SNTG1: variants seen among roughly 807,000 people sequenced by gnomAD.
SNTG1 encodes gamma-1-syntrophin.
In SNTG1, 39 loss-of-function variants were observed where a neutral mutation model predicts 74.7. The observed-to-expected ratio is 0.52, with a 90% CI of 0.40 to 0.68. The LOEUF (loss-of-function observed/expected upper bound fraction) is 0.68, where lower values mean the gene tolerates loss of function less well. SNTG1 is among the 30% of genes least tolerant of loss of function. The pLI is 0.00. For synonymous variants in SNTG1, 254 were observed against 217.1 expected (o/e 1.17, Z -1.49); for missense variants, 685 against 609.5 (o/e 1.12, Z -1.30).
At chr8:50,644,940 A>G (rs549553427) in intron 13 of SNTG1, among the ~76,000 whole-genome samples, 32 of 144,062 alleles carry the variant, frequency 2.2e-4, no homozygotes, top group Non-Finnish European at 4.4e-4. Flanking sequence ...TTTTTTTCCT[A>G]CAGATGAGGT....
chr8:50,438,582 T>C lies in SNTG1; in HGVS notation c.202T>C (p.Phe68Leu). The C allele has an allele frequency of 6.2e-7, 1 of 1,613,282 alleles. No homozygotes were observed. The highest frequency in any genetic ancestry group is 8.5e-7 in the Non-Finnish European group (1 of 1,179,554). The change falls in exon 5 of 19, where the codon TTT (phenylalanine) becomes CTT (leucine). Residue 68 changes from phenylalanine to leucine, a missense_variant. Transcript: ENST00000642720. ...VTIRRQTVGG[F>L]GLSIKGGAEH... ...CATCAGAAGACAAACAGTAGGAGGA[T>C]TTGGATTAAGCATAAAGGTAGCCTG...
chr8:50,579,386 G>A (rs978899858), intron 12 of SNTG1, among the ~76,000 whole-genome samples: 4 of 152,290 alleles, frequency 2.6e-5, no homozygotes, highest in Admixed American at 6.5e-5. Flanking sequence ...AGAGAACCCC[G>A]TTTTCTAGGG....
At chr8:50,593,036 A>C (rs2094702445) in intron 13 of SNTG1, among the ~76,000 whole-genome samples, 1 of 152,206 alleles carries the variant, frequency 6.6e-6, no homozygotes, top group African/African-American at 2.4e-5. Context: ...AAACACATAT[A>C]ATCCCATTTC....
At chr8:50,493,896 A>G (rs905256837) in intron 8 of SNTG1, among the ~76,000 whole-genome samples, 2 of 151,820 alleles carry the variant, frequency 1.3e-5, no homozygotes, top group African/African-American at 4.8e-5. Flanking sequence ...TTATTTTTCA[A>G]CAAATTTGAT....
intron 15 of SNTG1, among the ~76,000 whole-genome samples, chr8:50,682,761 G>T (rs1563737226): frequency 2.0e-5 from 3 of 152,096 alleles, no homozygotes; most frequent in African/African-American, 4.8e-5. Flanking sequence ...CCTCAGGCAT[G>T]CCCTATCTGC....
At chr8:50,531,233 G>T (rs1377837001) in intron 10 of SNTG1, among the ~76,000 whole-genome samples, 1 of 151,962 alleles carries the variant, frequency 6.6e-6, no homozygotes, top group East Asian at 1.9e-4. Context: ...TTCGTAAAAA[G>T]AAATTTGCCA....
At chr8:50,751,091 C>T (rs931050874) in intron 17 of SNTG1, among the ~76,000 whole-genome samples, 2 of 151,906 alleles carry the variant, frequency 1.3e-5, no homozygotes, top group African/African-American at 4.8e-5. Context: ...CATAAGAAAT[C>T]ATTTAAAAAA....
chr8:50,657,768 A>T (rs2131273293), intron 14 of SNTG1, among the ~76,000 whole-genome samples: 1 of 152,262 alleles, frequency 6.6e-6, no homozygotes, highest in Non-Finnish European at 1.5e-5. Context: ...TAACATTTTC[A>T]TCTTCTATTA....
intron 17 of SNTG1, among the ~76,000 whole-genome samples, chr8:50,719,164 C>G (rs1260857133): frequency 6.6e-6 from 1 of 152,118 alleles, no homozygotes; most frequent in Non-Finnish European, 1.5e-5. Context: ...ACAAAAATAA[C>G]CTTTGCCATG....
chr8:50,052,016 T>A (rs1309216072), intron 1 of SNTG1, among the ~76,000 whole-genome samples: 1 of 152,054 alleles, frequency 6.6e-6, no homozygotes, highest in Non-Finnish European at 1.5e-5. Flanking sequence ...AATGCTTTCC[T>A]TATCAAAATT....
At chr8:50,187,466 G>A (rs1012690947) in intron 2 of SNTG1, among the ~76,000 whole-genome samples, 2 of 152,074 alleles carry the variant, frequency 1.3e-5, no homozygotes, top group East Asian at 1.9e-4. Context: ...CTAGCCATAC[G>A]CAGAAAGCTG....
chr8:50,024,306 C>A (rs901333615), intron 1 of SNTG1, among the ~76,000 whole-genome samples: 2 of 152,062 alleles, frequency 1.3e-5, no homozygotes, highest in South Asian at 2.1e-4. Flanking sequence ...GTTTGAGAAC[C>A]AGAGTTTTAG....
chr8:50,697,965 G>C (rs1054519089), intron 15 of SNTG1, among the ~76,000 whole-genome samples: 1 of 152,148 alleles, frequency 6.6e-6, no homozygotes, highest in Non-Finnish European at 1.5e-5. Flanking sequence ...AAGTTAGGGA[G>C]AAATTCCTTT....
chr8:50,254,351 C>T (rs2086780804), intron 2 of SNTG1, among the ~76,000 whole-genome samples: 4 of 152,150 alleles, frequency 2.6e-5, no homozygotes, highest in African/African-American at 9.7e-5. Flanking sequence ...CAGAACTCAC[C>T]TTCATCCGTG....
intron 1 of SNTG1, among the ~76,000 whole-genome samples, chr8:49,984,419 G>T (rs1257148125): frequency 6.6e-6 from 1 of 152,110 alleles, no homozygotes; most frequent in Admixed American, 6.5e-5. Flanking sequence ...TGCCCAGGCT[G>T]ATCTCAAACT....
chr8:50,672,724 CA>C (rs2095290765), intron 15 of SNTG1, among the ~76,000 whole-genome samples: 3 of 152,126 alleles, frequency 2.0e-5, no homozygotes, highest in South Asian at 4.1e-4. Flanking sequence ...GCTTTTGTTG[CA>C]ATTGCTTTTT....
intron 1 of SNTG1, among the ~76,000 whole-genome samples, chr8:49,944,606 A>G (rs558073615): frequency 4.1e-4 from 60 of 147,158 alleles, no homozygotes; most frequent in African/African-American, 1.4e-3. Flanking sequence ...GAGGGATAGC[A>G]TTAGGAGATA....
At chr8:50,179,851 T>C (rs934914781) in intron 2 of SNTG1, among the ~76,000 whole-genome samples, 14 of 152,190 alleles carry the variant, frequency 9.2e-5, no homozygotes, top group African/African-American at 3.4e-4. Flanking sequence ...TTGGAACAGC[T>C]ATTGTGAAAA....
At chr8:49,979,628 C>T (rs1434953767) in intron 1 of SNTG1, among the ~76,000 whole-genome samples, 2 of 152,110 alleles carry the variant, frequency 1.3e-5, no homozygotes, top group African/African-American at 2.4e-5. Context: ...CCTAGCTTGT[C>T]GTCGCGCTCT....
Sources: allele counts gnomAD v4.1 joint callset (sites outside exome capture counted in the v4.1 genomes callset), GRCh38; gene constraint gnomAD v4.1.1; transcripts MANE v1.5; gene names NCBI Gene and HGNC (gene_info 2026-07-23, HGNC 2026-07-21).